Variants in TBCD observed in about 807,000 individuals in gnomAD.
TBCD encodes tubulin-specific chaperone D.
In TBCD, 105 loss-of-function variants were observed where a neutral mutation model predicts 169.3. That is an observed-to-expected ratio of 0.62 (90% confidence interval 0.53 to 0.73). The LOEUF is 0.73. Ranked by LOEUF, TBCD falls within the 30% of genes least tolerant of loss-of-function variation. The probability of loss-of-function intolerance (pLI) is 0.00; values close to 1 mark genes in which losing one functional copy is unlikely to be tolerated. For synonymous variants in TBCD, 700 were observed against 643.9 expected (o/e 1.09, Z -1.32); for missense variants, 1,444 against 1,600.1 (o/e 0.90, Z 1.66).
rs2047385991 is a variant in TBCD, at chr17:82,756,076, G to A, written c.185-89G>A. 4.1e-6 allele frequency: 5 copies of A among 1,208,210 alleles called. No homozygotes were observed. The Admixed American group carries it at 6.0e-5, about 14-fold the overall frequency. 74.8% of individuals were successfully genotyped at this position (1,208,210 alleles called of 1,614,324 possible). A position where few individuals can be genotyped will look rare whatever the true frequency, so the allele number is the denominator to read the frequency against. On this transcript the variant is annotated intron_variant, in intron 1 of 38. Transcript: ENST00000355528. Reference sequence around the variant, plus strand: ...TGGGGAAGAGGTGGAGCTGCCCTGTGGAAGCTAGCAAGGGAAAATGGGGTT... The same window carrying A: ...TGGGGAAGAGGTGGAGCTGCCCTGTAGAAGCTAGCAAGGGAAAATGGGGTT...
intron 13 of TBCD, chr17:82,830,614 G>A: frequency 6.2e-7 from 1 of 1,614,052 alleles, no homozygotes; most frequent in Non-Finnish European, 8.5e-7. Context: ...ACCGGGGAAG[G>A]CAGGCCTCGG....
chr17:82,914,538 G>A (rs1046180835), intron 23 of TBCD, among the ~76,000 whole-genome samples: 1 of 152,016 alleles, frequency 6.6e-6, no homozygotes, highest in Non-Finnish European at 1.5e-5. Flanking sequence ...CCCTCACACC[G>A]CTGAGTGCAA....
chr17:82,936,869 CTG>C (rs1359618225), intron 34 of TBCD, among the ~76,000 whole-genome samples: 1 of 152,254 alleles, frequency 6.6e-6, no homozygotes, highest in African/African-American at 2.4e-5. Context: ...TGTGTGTCCT[CTG>C]TGTGTCGGCA....
At chr17:82,790,670 C>A (rs544823569) in intron 7 of TBCD, among the ~76,000 whole-genome samples, 1 of 152,290 alleles carries the variant, frequency 6.6e-6, no homozygotes, top group East Asian at 1.9e-4. Flanking sequence ...CAGCGCCGTC[C>A]GGGGGAGATG....
Position 82,884,228 on chromosome 17 carries a change from C to T in TBCD, c.1533+26C>T, listed in dbSNP as rs533674402. ...GTAAGTTTTCTCATTTTGATATTTC[C>T]TTTCCTGAAGGTGGGGGGTGGGCCT... On this transcript the variant is annotated intron_variant, in intron 15 of 38. Transcript: ENST00000355528. The surrounding 1 kb of genome is among the most constrained non-coding windows in gnomAD (Gnocchi z 4.2). The T allele has an allele frequency of 1.3e-6, 2 of 1,582,244 alleles. No individual in the cohort carries two copies. Among genetic ancestry groups the T allele is most frequent in the Middle Eastern group, 3.3e-4 (2 of 6,022 alleles).
At chr17:82,797,908 T>C (rs993219610) in intron 8 of TBCD, 106 bp downstream of exon 8, 28 of 743,140 alleles carry the variant, frequency 3.8e-5, no homozygotes, top group African/African-American at 7.3e-5. Context: ...AACTGTACAT[T>C]GGTATGTTTG....
At chr17:82,869,280 T>C (rs2057396097) in intron 13 of TBCD, among the ~76,000 whole-genome samples, 1 of 152,204 alleles carries the variant, frequency 6.6e-6, no homozygotes, top group African/African-American at 2.4e-5. Flanking sequence ...CCCATATACT[T>C]ACACCACGTC....
chr17:82,753,348 G>GC (rs1325802272), intron 1 of TBCD, among the ~76,000 whole-genome samples: 1 of 151,720 alleles, frequency 6.6e-6, no homozygotes, highest in Non-Finnish European at 1.5e-5. Flanking sequence ...GGATAACGAT[G>GC]CCTCTCGTGC....
rs767268298 is a variant in TBCD, at chr17:82,766,384, TC to T, written c.435+22del. On this transcript the variant is annotated intron_variant, in intron 4 of 38. Coordinates refer to ENST00000355528, the MANE Select transcript of TBCD (RefSeq NM_005993.5). Reference sequence around the variant, plus strand: ...GGACCATGAAGTGAGTGTCTCTGCCTCCCCCCTCGTCTCCAGCCCTCCGTGC... The same window carrying T: ...GGACCATGAAGTGAGTGTCTCTGCCTCCCCCTCGTCTCCAGCCCTCCGTGC... 6.3e-7 allele frequency: 1 copy of T among 1,588,612 alleles called. No homozygotes were observed. The highest frequency in any genetic ancestry group is 8.6e-7 in the Non-Finnish European group (1 of 1,161,606).
intron 9 of TBCD, among the ~76,000 whole-genome samples, chr17:82,804,010 G>T (rs2050766444): frequency 6.8e-6 from 1 of 146,074 alleles, no homozygotes; most frequent in Non-Finnish European, 1.5e-5. Context: ...AGTGGGGGCC[G>T]GGGTGCACCT....
chr17:82,908,068 AC>A (rs1217854213), intron 21 of TBCD, among the ~76,000 whole-genome samples: 1 of 152,218 alleles, frequency 6.6e-6, no homozygotes, highest in Non-Finnish European at 1.5e-5. Context: ...ATGAGTGCAG[AC>A]TTTCTGTGCA....
intron 13 of TBCD, among the ~76,000 whole-genome samples, chr17:82,855,993 C>CCTTTTTTT (rs373747821): frequency 3.0e-5 from 2 of 66,274 alleles, no homozygotes; most frequent in African/African-American, 1.4e-4. Flanking sequence ...TCCCCCCCCA[C>CCTTTTTTT]TTTTTTTTTT....
intron 7 of TBCD, among the ~76,000 whole-genome samples, chr17:82,791,999 T>C (rs984221364): frequency 6.6e-6 from 1 of 152,074 alleles, no homozygotes; most frequent in African/African-American, 2.4e-5. Context: ...CATCTAAGCA[T>C]AGAAAAGGTA....
chr17:82,843,470 A>T (rs1567873971), intron 13 of TBCD, among the ~76,000 whole-genome samples: 1 of 75,564 alleles, frequency 1.3e-5, no homozygotes. Context: ...CTCCCCGTCC[A>T]GCTTACTTAC....
In TBCD at chr17:82,781,735, G is replaced by T. The variant is rs368593758; in HGVS notation, c.771+14G>T. 4.8e-5 allele frequency: 78 copies of T among 1,612,462 alleles called. No homozygotes were observed. In the African/African-American group the frequency reaches 9.9e-4, roughly 20 times the overall value. ...CTGCAGGCCCTGGTAAGTGCTGCCC[G>T]CAGGGGCTGTGGAGATCGCAGGGAA... On this transcript the variant is annotated intron_variant, in intron 7 of 38. Transcript: ENST00000355528.
intron 35 of TBCD, chr17:82,937,713 G>T: frequency 2.9e-6 from 2 of 696,222 alleles, no homozygotes; most frequent in Non-Finnish European, 4.7e-6. Context: ...CGGCGCTCAG[G>T]TGGACACTGG....
chr17:82,816,554 G>A (rs1300503855), intron 13 of TBCD, among the ~76,000 whole-genome samples: 1 of 150,122 alleles, frequency 6.7e-6, no homozygotes, highest in African/African-American at 2.5e-5. Flanking sequence ...TTTTTTTTTG[G>A]ACGCGGTTTC....
At chr17:82,901,480 CT>C (rs1021129365) in intron 18 of TBCD, among the ~76,000 whole-genome samples, 1 of 148,128 alleles carries the variant, frequency 6.8e-6, no homozygotes, top group African/African-American at 2.4e-5. Context: ...GCCCGGCTGC[CT>C]GCCGTGGTCC....
chr17:82,845,358 C>T (rs939574157), intron 13 of TBCD, among the ~76,000 whole-genome samples: 1 of 151,144 alleles, frequency 6.6e-6, no homozygotes, highest in Admixed American at 6.6e-5. Context: ...CCCTTCCTCT[C>T]TGTCCATCCT....
Sources: gnomAD v4.1 joint callset for allele counts (sites outside exome capture counted in the v4.1 genomes callset) on GRCh38, gnomAD v4.1.1 for gene constraint, Gnocchi (gnomAD v3.1) non-coding constraint, MANE v1.5 for transcripts, NCBI Gene and HGNC (gene_info 2026-07-23, HGNC 2026-07-21) for gene names.